MRAP2: variants seen among roughly 807,000 people sequenced by gnomAD.
MRAP2 encodes melanocortin 2 receptor accessory protein 2, also known as melanocortin-2 receptor accessory protein 2.
In MRAP2, 20 loss-of-function variants were observed where a neutral mutation model predicts 17.4. The ratio of observed to expected loss-of-function variants is 1.15; its 90% confidence interval spans 0.81 to 1.67. The LOEUF (loss-of-function observed/expected upper bound fraction) is 1.67. Among genes scored for constraint, MRAP2 ranks in the 40% most tolerant of loss-of-function variants. MRAP2 has a pLI of 0.00. For synonymous variants in MRAP2, 96 were observed against 88.4 expected, an observed-to-expected ratio of 1.09 and a Z score of -0.48; for missense variants, 238 against 240.0, an observed-to-expected ratio of 0.99 and a Z score of 0.05.
chr6:84,085,598 A>G (rs975367481), intron 3 of MRAP2, among the ~76,000 whole-genome samples: 6 of 152,184 alleles, frequency 3.9e-5, no homozygotes, highest in African/African-American at 1.2e-4. Context: ...AGCAAAGGGG[A>G]AGAGCCAAAT....
At chr6:84,113,676 G>C in the MRAP2 span, among the ~76,000 whole-genome samples, 1 of 152,184 alleles carries the variant, frequency 6.6e-6, no homozygotes, top group African/African-American at 2.4e-5. Context: ...TTTCTTCATA[G>C]TGTCAATGGT....
the MRAP2 span, among the ~76,000 whole-genome samples, chr6:84,145,595 T>G: frequency 6.6e-6 from 1 of 152,120 alleles, no homozygotes; most frequent in Non-Finnish European, 1.5e-5. Context: ...GTTATTTACA[T>G]GTAATCTGGT....
chr6:84,069,849 A>C (rs1244938822), intron 3 of MRAP2, among the ~76,000 whole-genome samples: 2 of 152,070 alleles, frequency 1.3e-5, no homozygotes, highest in Non-Finnish European at 2.9e-5. Context: ...GAATTTATCC[A>C]TCTCTTCTAA....
the MRAP2 span, chr6:84,125,396 C>T: frequency 1.3e-6 from 1 of 771,240 alleles, no homozygotes; most frequent in Non-Finnish European, 2.2e-6. Flanking sequence ...AATCATAATG[C>T]TCTGCGTGGA....
chr6:84,106,064 C>T, the MRAP2 span, among the ~76,000 whole-genome samples: 3 of 152,086 alleles, frequency 2.0e-5, no homozygotes, highest in African/African-American at 7.2e-5. Flanking sequence ...TTGCCCCAGC[C>T]CTGCAAGGTA....
chr6:84,074,815 G>A (rs964166277), intron 3 of MRAP2, among the ~76,000 whole-genome samples: 4 of 152,180 alleles, frequency 2.6e-5, no homozygotes, highest in African/African-American at 9.7e-5. Flanking sequence ...TGTACTGGAT[G>A]ACAGGAGTTG....
intron 1 of MRAP2, among the ~76,000 whole-genome samples, chr6:84,036,988 C>T (rs1268587805): frequency 6.6e-6 from 1 of 152,038 alleles, no homozygotes; most frequent in Non-Finnish European, 1.5e-5. Flanking sequence ...GGTGCATTTA[C>T]AAACCTTGAG....
In MRAP2 at chr6:84,089,336, TGA is replaced by T; in HGVS notation, c.474_475del (p.Asn159GlnfsTer6). 6.2e-7 allele frequency: 1 copy of T among 1,614,190 alleles called. No homozygotes were observed. The highest frequency in any genetic ancestry group is 8.5e-7 in the Non-Finnish European group (1 of 1,180,028). ...AGCAGTGGGCAGCCAGAGGAGGAGC[TGA>T]ACAGGCTCATGAAGTTTGACATCCC... On this transcript the variant is annotated frameshift_variant, in exon 4 of 4. Transcript: ENST00000257776. LOFTEE classifies it high-confidence loss of function.
the MRAP2 span, among the ~76,000 whole-genome samples, chr6:84,142,440 T>C: frequency 1.3e-5 from 2 of 152,176 alleles, no homozygotes; most frequent in African/African-American, 4.8e-5. Context: ...ATTTTTTTTC[T>C]ACCTTTGGAC....
chr6:84,052,929 A>G (rs1179630946), intron 1 of MRAP2: 3 of 293,394 alleles, frequency 1.0e-5, no homozygotes, highest in African/African-American at 6.8e-5. Flanking sequence ...GTTCGTTTAG[A>G]TGAAAGGGAA....
chr6:84,095,463 T>C (rs1348017453), downstream of MRAP2, among the ~76,000 whole-genome samples: 1 of 152,210 alleles, frequency 6.6e-6, no homozygotes, highest in Non-Finnish European at 1.5e-5. Context: ...CTGGGGATTT[T>C]TGAAAAAGAG....
At chr6:84,092,724 C>T (rs75333397), downstream of MRAP2, among the ~76,000 whole-genome samples, 2,404 of 152,110 alleles carry the variant, frequency 0.016, 66 homozygotes, top group East Asian at 0.089. Flanking sequence ...CTGCAGAACC[C>T]GTGTATATGA....
intron 3 of MRAP2, among the ~76,000 whole-genome samples, chr6:84,074,838 C>T (rs2099497172): frequency 6.6e-6 from 1 of 152,182 alleles, no homozygotes; most frequent in South Asian, 2.1e-4. Context: ...ATCCATTTAA[C>T]TGCACAGGGC....
chr6:84,085,051 AC>A (rs1242625105), intron 3 of MRAP2, among the ~76,000 whole-genome samples: 1 of 150,940 alleles, frequency 6.6e-6, no homozygotes. Context: ...GCACCCATTA[AC>A]TCATCATTTT....
chr6:84,138,828 A>T, the MRAP2 span, among the ~76,000 whole-genome samples: 3 of 152,216 alleles, frequency 2.0e-5, no homozygotes, highest in Non-Finnish European at 4.4e-5. Flanking sequence ...CTGTAAACTT[A>T]GTGCTTATGT....
chr6:84,045,636 G>A (rs932909811), intron 1 of MRAP2, among the ~76,000 whole-genome samples: 1 of 152,060 alleles, frequency 6.6e-6, no homozygotes, highest in African/African-American at 2.4e-5. Flanking sequence ...GGTAGTGCAC[G>A]TCTGTAATCC....
intron 3 of MRAP2, among the ~76,000 whole-genome samples, chr6:84,075,295 C>T (rs1028930771): frequency 1.3e-5 from 2 of 152,142 alleles, no homozygotes; most frequent in Admixed American, 6.5e-5. Context: ...TCTGTGTATC[C>T]AGAAGGAAAG....
At chr6:84,069,537 T>C (rs2099495659) in intron 3 of MRAP2, among the ~76,000 whole-genome samples, 1 of 152,188 alleles carries the variant, frequency 6.6e-6, no homozygotes, top group Non-Finnish European at 1.5e-5. Context: ...TCATCAACGA[T>C]ATCGGTCTGT....
chr6:84,049,707 G>C (rs370620205), intron 1 of MRAP2, among the ~76,000 whole-genome samples: 33 of 152,248 alleles, frequency 2.2e-4, no homozygotes, highest in African/African-American at 7.5e-4. Flanking sequence ...TGATTTTTAT[G>C]TTAAGATGGA....
Sources: allele counts gnomAD v4.1 joint callset (sites outside exome capture counted in the v4.1 genomes callset), GRCh38; gene constraint gnomAD v4.1.1; transcripts MANE v1.5; gene names NCBI Gene and HGNC (gene_info 2026-07-23, HGNC 2026-07-21).